Variants in UCK2 observed in about 807,000 individuals in gnomAD.
UCK2 encodes uridine-cytidine kinase 2, also known as cytidine monophosphokinase 2.
UCK2 carries 6 observed loss-of-function variants against 30.8 expected under a neutral mutation model. That is an observed-to-expected ratio of 0.19 (90% CI 0.11 to 0.38). The LOEUF (loss-of-function observed/expected upper bound fraction) is 0.38, where lower values mean the gene tolerates loss of function less well. Among genes scored for constraint, UCK2 ranks in the 10% least tolerant of loss-of-function variants. The probability of loss-of-function intolerance (pLI) is 1.00; values close to 1 mark genes in which losing one functional copy is unlikely to be tolerated. For synonymous variants in UCK2, 125 were observed against 133.6 expected, an observed-to-expected ratio of 0.94 and a Z score of 0.45; for missense variants, 210 against 339.8, an observed-to-expected ratio of 0.62 and a Z score of 3.00.
chr1:165,891,581 T>A (rs902045817), intron 3 of UCK2: 1 of 391,932 alleles, frequency 2.6e-6, no homozygotes, highest in Non-Finnish European at 4.6e-6. Flanking sequence ...GGGATAGTGA[T>A]TTCAGCTTGA....
chr1:165,858,251 G>T (rs6666086), intron 1 of UCK2, among the ~76,000 whole-genome samples: 29,457 of 152,030 alleles, frequency 0.19, 3,278 homozygotes, highest in South Asian at 0.4. Flanking sequence ...AGAGAGTAGA[G>T]GCTCAGAGAG....
intron 1 of UCK2, 49 bp downstream of exon 1, chr1:165,827,981 G>C (rs1653933899): frequency 2.4e-6 from 3 of 1,244,924 alleles, no homozygotes; most frequent in East Asian, 3.2e-5. Flanking sequence ...CTGTCCCTGG[G>C]CGGCGCATGT....
At chr1:165,880,562 TGGGGGTGTGTGTGTGTGTGTGTG>T (rs1389909401) in intron 1 of UCK2, among the ~76,000 whole-genome samples, 30 of 115,810 alleles carry the variant, frequency 2.6e-4, no homozygotes, top group African/African-American at 5.9e-4. Flanking sequence ...CAGTTTTTTT[TGGGGGTGTGTGTGTGTGTGTGTG>T]TGTGTGTGTG....
At chr1:165,882,214 C>T (rs1372738279) in intron 1 of UCK2, among the ~76,000 whole-genome samples, 1 of 152,154 alleles carries the variant, frequency 6.6e-6, no homozygotes, top group East Asian at 1.9e-4. Context: ...ATGTTCATCA[C>T]CCTACCCTTT....
At chr1:165,872,184 C>T (rs1655212871) in intron 1 of UCK2, among the ~76,000 whole-genome samples, 3 of 152,212 alleles carry the variant, frequency 2.0e-5, no homozygotes, top group African/African-American at 4.8e-5. Context: ...AAGCGATTCT[C>T]CTGCCTCAGC....
intron 4 of UCK2, among the ~76,000 whole-genome samples, chr1:165,898,260 AAATTGG>A (rs1647336255): frequency 3.2e-5 from 4 of 126,638 alleles, no homozygotes; most frequent in Non-Finnish European, 5.9e-5. Flanking sequence ...CAAATTGTGC[AAATTGG>A]CAAATTGTGT....
intron 1 of UCK2, among the ~76,000 whole-genome samples, chr1:165,876,860 C>G (rs1655349689): frequency 6.6e-6 from 1 of 152,216 alleles, no homozygotes; most frequent in African/African-American, 2.4e-5. Flanking sequence ...TCTCTACTTT[C>G]ACCTTTATAT....
intron 3 of UCK2, 61 bp downstream of exon 3, chr1:165,891,383 G>T: frequency 1.4e-6 from 2 of 1,465,894 alleles, no homozygotes; most frequent in Non-Finnish European, 9.6e-7. Context: ...TCCCTGGTCT[G>T]CACTGAGACC....
At chr1:165,888,348 A>G (rs573470035) in intron 1 of UCK2, among the ~76,000 whole-genome samples, 11 of 151,854 alleles carry the variant, frequency 7.2e-5, no homozygotes, top group East Asian at 5.8e-4. Context: ...GTTGGAGTAC[A>G]TGGCACGATC....
At position 165,889,033 on chromosome 1, in the gene UCK2, G is replaced by A. The variant is rs1655696371; in HGVS notation, c.100-1171G>A. On this transcript the variant is annotated intron_variant, in intron 1 of 6. Transcript: ENST00000367879. ...TGTTTTTCTTTTTTTTAAATTTTAG[G>A]ATACATGTATTACTAACAACAACAC... Among the ~76,000 whole-genome samples, 3 of 152,044 alleles carry A rather than the reference G, an allele frequency of 2.0e-5. No individual in the cohort carries two copies. The South Asian group carries it at 6.2e-4, about 32-fold the overall frequency.
Position 165,896,280 on chromosome 1 carries a change from C to G in UCK2, c.447C>G (p.Phe149Leu). Residue 149 changes from phenylalanine (F) to leucine (L), a missense_variant, in exon 4 of 7, where the codon TTC (phenylalanine) becomes TTG (leucine). By Grantham distance (22) the Phe-to-Leu change is conservative (BLOSUM62 0). Transcript: ENST00000367879. ...ACTCCCAGGAGGTACGAGACCTGTT[C>G]CAGATGAAGCTTTTTGTGGATACAG... Reference protein sequence around the residue: ...AFYSQEVRDLFQMKLFVDTDA... With the variant: ...AFYSQEVRDLLQMKLFVDTDA... 1 of 1,614,216 alleles carries G rather than the reference C, an allele frequency of 6.2e-7. No individual in the cohort carries two copies. Among genetic ancestry groups the G allele is most frequent in the Non-Finnish European group, 8.5e-7 (1 of 1,180,044 alleles).
At chr1:165,902,437 G>GA (rs1239186061) in intron 4 of UCK2, among the ~76,000 whole-genome samples, 278 of 135,942 alleles carry the variant, frequency 2.0e-3, no homozygotes, top group Middle Eastern at 3.7e-3. Context: ...ATTTTTTAAA[G>GA]AAAAAAAAAA....
intron 1 of UCK2, among the ~76,000 whole-genome samples, chr1:165,830,226 A>T (rs911394858): frequency 1.3e-5 from 2 of 151,746 alleles, no homozygotes; most frequent in East Asian, 3.9e-4. Flanking sequence ...CTGATCTCAA[A>T]TGCCTAGACT....
chr1:165,829,915 A>C (rs1450576474), intron 1 of UCK2, among the ~76,000 whole-genome samples: 2 of 152,256 alleles, frequency 1.3e-5, no homozygotes, highest in Non-Finnish European at 2.9e-5. Flanking sequence ...AGTAAGTGGC[A>C]CTGTCACAGC....
intron 2 of UCK2, 114 bp downstream of exon 2, chr1:165,890,477 C>T (rs1571294875): frequency 2.7e-5 from 29 of 1,075,356 alleles, no homozygotes; most frequent in African/African-American, 3.2e-5. Flanking sequence ...CTATCTAGAA[C>T]GTAGGGACTT....
chr1:165,891,954 T>C (rs531490483), intron 3 of UCK2, among the ~76,000 whole-genome samples: 2 of 151,866 alleles, frequency 1.3e-5, no homozygotes, highest in African/African-American at 4.8e-5. Flanking sequence ...GACCCCAGGC[T>C]CCTTCAGAGC....
chr1:165,843,439 G>C (rs1019078971), intron 1 of UCK2, among the ~76,000 whole-genome samples: 1 of 152,132 alleles, frequency 6.6e-6, no homozygotes, highest in African/African-American at 2.4e-5. Flanking sequence ...GTTTTTTGAG[G>C]GATGGCACAG....
intron 1 of UCK2, 48 bp downstream of exon 1, chr1:165,827,980 G>A (rs892412819): frequency 1.6e-6 from 2 of 1,245,094 alleles, no homozygotes; most frequent in African/African-American, 1.6e-5. Context: ...TCTGTCCCTG[G>A]GCGGCGCATG....
intron 4 of UCK2, among the ~76,000 whole-genome samples, chr1:165,897,607 G>A (rs538955818): frequency 9.2e-5 from 14 of 152,282 alleles, no homozygotes; most frequent in African/African-American, 3.4e-4. Context: ...GATATTATAA[G>A]CTGTATCCCA....
Sources: allele counts gnomAD v4.1 joint callset (sites outside exome capture counted in the v4.1 genomes callset), GRCh38; gene constraint gnomAD v4.1.1; transcripts MANE v1.5; gene names NCBI Gene and HGNC (gene_info 2026-07-23, HGNC 2026-07-21).